NAAA: variants seen among roughly 807,000 people sequenced by gnomAD.
The protein encoded by NAAA is N-acylethanolamine-hydrolyzing acid amidase.
Under a neutral mutation model 44.8 loss-of-function variants are expected in NAAA, and 39 were observed. The observed-to-expected ratio is 0.87, with a 90% confidence interval of 0.67 to 1.14. The LOEUF is 1.14. Ranked by LOEUF, NAAA falls within the 50% of genes most tolerant of loss-of-function variation. The probability of loss-of-function intolerance (pLI) is 0.00; values close to 1 mark genes in which losing one functional copy is unlikely to be tolerated. For missense variants in NAAA, 460 were observed against 467.8 expected, an observed-to-expected ratio of 0.98 and a Z score of 0.15; for synonymous variants, 178 against 191.3, an observed-to-expected ratio of 0.93 and a Z score of 0.58.
chr4:75,932,650 T>C (rs982288532), intron 3 of NAAA, among the ~76,000 whole-genome samples: 2 of 152,010 alleles, frequency 1.3e-5, no homozygotes, highest in Admixed American at 6.6e-5. Context: ...ACCTGACTGA[T>C]ATATAAATAT....
intron 1 of NAAA, 118 bp from the exon 2 acceptor site, chr4:75,940,283 CCAGT>C: frequency 1.8e-6 from 2 of 1,128,016 alleles, no homozygotes; most frequent in African/African-American, 1.6e-5. Context: ...CCACTGCTCC[CCAGT>C]CAGTGGACCG....
At chr4:75,915,316 T>G (rs1560496865) in intron 9 of NAAA, among the ~76,000 whole-genome samples, 1 of 152,082 alleles carries the variant, frequency 6.6e-6, no homozygotes, top group African/African-American at 2.4e-5. Flanking sequence ...GCCACTGCAC[T>G]CCAGCCTGGG....
intron 7 of NAAA, among the ~76,000 whole-genome samples, chr4:75,920,271 G>A (rs1726025569): frequency 1.3e-5 from 2 of 152,184 alleles, no homozygotes; most frequent in Admixed American, 6.5e-5. Flanking sequence ...AACGTATATA[G>A]CTACCTGCAC....
intron 2 of NAAA, among the ~76,000 whole-genome samples, chr4:75,939,214 G>A (rs2149292204): frequency 6.6e-6 from 1 of 152,184 alleles, no homozygotes; most frequent in Non-Finnish European, 1.5e-5. Context: ...TATTAGAGCA[G>A]TGTTCCCTGT....
At chr4:75,917,712 C>T (rs560934400) in intron 9 of NAAA, 53 of 357,768 alleles carry the variant, frequency 1.5e-4, no homozygotes, top group Middle Eastern at 5.2e-4. Flanking sequence ...GTGATCCACC[C>T]GCCTTGGCCT....
chr4:75,925,270 C>A (rs540325195), intron 5 of NAAA, among the ~76,000 whole-genome samples: 13 of 152,266 alleles, frequency 8.5e-5, no homozygotes, highest in African/African-American at 2.9e-4. Flanking sequence ...CTCCTGACCT[C>A]GAGATCCACC....
intron 2 of NAAA, among the ~76,000 whole-genome samples, chr4:75,937,479 G>C (rs11721559): frequency 7.4e-6 from 1 of 135,112 alleles, no homozygotes; most frequent in Admixed American, 7.3e-5. Flanking sequence ...TTCCCTCCAA[G>C]GTTTCTGTTA....
At chr4:75,931,185 A>G in intron 4 of NAAA, 29 bp downstream of exon 4, 1 of 1,579,430 alleles carries the variant, frequency 6.3e-7, no homozygotes, top group South Asian at 1.1e-5. Flanking sequence ...TAATGTAGCT[A>G]AAATTACACA....
chr4:75,933,203 T>C (rs1727399111), intron 3 of NAAA, among the ~76,000 whole-genome samples: 2 of 151,894 alleles, frequency 1.3e-5, no homozygotes, highest in Non-Finnish European at 2.9e-5. Context: ...ACTAATACCA[T>C]TATGTTTTAA....
At chr4:75,934,342 A>C (rs1270210417) in intron 3 of NAAA, among the ~76,000 whole-genome samples, 1 of 151,792 alleles carries the variant, frequency 6.6e-6, no homozygotes, top group East Asian at 1.9e-4. Flanking sequence ...GTTGAGATGG[A>C]GTCTCACTCT....
chr4:75,940,730 G>T lies in NAAA; in HGVS notation c.206+14C>A. 1 of 1,591,264 alleles carries T rather than the reference G, an allele frequency of 6.3e-7. No homozygotes were observed. ...CCGGTGTCCCCGCAGACCCCGTCCA[G>T]GGCCCCAGCTCACCCGATGACTTGC... On this transcript the variant is annotated intron_variant, in intron 1 of 10. Coordinates refer to ENST00000286733, the MANE Select transcript of NAAA (RefSeq NM_014435.4).
intron 1 of NAAA, 28 bp from the exon 2 acceptor site, chr4:75,940,193 G>C (rs779758859): frequency 1.9e-6 from 3 of 1,603,828 alleles, no homozygotes; most frequent in Non-Finnish European, 2.6e-6. Context: ...AAGGGCGTCT[G>C]ACCCGCTCAG....
chr4:75,919,831 T>C (rs751508730), intron 8 of NAAA, 78 bp downstream of exon 8: 1 of 1,354,328 alleles, frequency 7.4e-7, no homozygotes, highest in East Asian at 2.3e-5. Context: ...TACCAGAAGA[T>C]TTCACGGAGT....
In NAAA at chr4:75,918,270, G is replaced by A. The variant is rs935594194; in HGVS notation, c.998+491C>T. On this transcript the variant is annotated intron_variant, in intron 9 of 10. Transcript: ENST00000286733. ...AGATCAAGGCCATCCTGGCTAAAACGGTGAAACCCTGTCCCTACTTAAAAA... is the reference window on the plus strand; with the variant it reads ...AGATCAAGGCCATCCTGGCTAAAACAGTGAAACCCTGTCCCTACTTAAAAA... Among the ~76,000 whole-genome samples the A allele has an allele frequency of 3.9e-5, 6 of 152,220 alleles. No homozygotes were observed. In the East Asian group the frequency reaches 7.7e-4, roughly 20 times the overall value.
chr4:75,913,098 C>T (rs1282213141), downstream of NAAA, among the ~76,000 whole-genome samples: 1 of 148,090 alleles, frequency 6.8e-6, no homozygotes, highest in South Asian at 2.1e-4. Flanking sequence ...CCAAACATAG[C>T]TGTAATTTCA....
At chr4:75,928,742 C>G (rs1463425987) in intron 4 of NAAA, among the ~76,000 whole-genome samples, 1 of 151,798 alleles carries the variant, frequency 6.6e-6, no homozygotes, top group Non-Finnish European at 1.5e-5. Flanking sequence ...ATTTCATATT[C>G]GTTAATTCAT....
intron 9 of NAAA, 69 bp from the exon 10 acceptor site, chr4:75,915,054 C>A: frequency 8.8e-7 from 1 of 1,141,772 alleles, no homozygotes; most frequent in Non-Finnish European, 1.3e-6. Flanking sequence ...AAGAAAATGA[C>A]CAAGTGCTTC....
intron 8 of NAAA, chr4:75,919,607 T>A: frequency 2.2e-6 from 1 of 450,292 alleles, no homozygotes; most frequent in Non-Finnish European, 3.9e-6. Flanking sequence ...GCCTCTGGAG[T>A]AGCTTGGACT....
chr4:75,931,032 GCACT>G (rs1727183857), intron 4 of NAAA, among the ~76,000 whole-genome samples, 178 bp downstream of exon 4: 1 of 152,100 alleles, frequency 6.6e-6, no homozygotes, highest in East Asian at 1.9e-4. Context: ...TTTCTTTGCA[GCACT>G]TATTGCTACC....
Sources: allele counts gnomAD v4.1 joint callset (sites outside exome capture counted in the v4.1 genomes callset), GRCh38; gene constraint gnomAD v4.1.1; transcripts MANE v1.5; gene names NCBI Gene and HGNC (gene_info 2026-07-23, HGNC 2026-07-21).